The following PRDM11 variants were observed in gnomAD, a reference collection of about 807,000 sequenced individuals.
PRDM11 encodes the protein PR/SET domain 11.
In PRDM11, 20 loss-of-function variants were observed where a neutral mutation model predicts 97.8. That is an observed-to-expected ratio of 0.20 (90% CI 0.14 to 0.30). The LOEUF (loss-of-function observed/expected upper bound fraction) is 0.30, where lower values mean the gene tolerates loss of function less well. Ranked by LOEUF, PRDM11 falls within the 10% of genes least tolerant of loss-of-function variation. The pLI is 1.00. For missense variants in PRDM11, 1,139 were observed against 1,555.2 expected (o/e 0.73, Z 4.50); for synonymous variants, 599 against 637.7 (o/e 0.94, Z 0.91).
upstream of PRDM11, among the ~76,000 whole-genome samples, chr11:45,144,928 T>C (rs1056040849): frequency 6.6e-5 from 10 of 152,186 alleles, no homozygotes; most frequent in Admixed American, 2.0e-4. Context: ...CCTTCATCTC[T>C]TGGGCAGACC....
At chr11:45,138,880 C>T (rs1316077626) in intron 1 of PRDM11, among the ~76,000 whole-genome samples, 1 of 152,046 alleles carries the variant, frequency 6.6e-6, no homozygotes, top group African/African-American at 2.4e-5. Flanking sequence ...AAAGACATCA[C>T]AAATAAAGTT....
intron 1 of PRDM11, among the ~76,000 whole-genome samples, chr11:45,169,596 AGACCTTGGCAAT>A (rs1852152708): frequency 6.6e-6 from 1 of 152,230 alleles, no homozygotes; most frequent in Non-Finnish European, 1.5e-5. Flanking sequence ...TTTTGCAATC[AGACCTTGGCAAT>A]GACCTTGAGC....
chr11:45,206,348 C>T, intron 5 of PRDM11, among the ~76,000 whole-genome samples: 1 of 152,166 alleles, frequency 6.6e-6, no homozygotes, highest in Non-Finnish European at 1.5e-5. Context: ...TTCAAAGGGG[C>T]CAGGATTGTG....
intron 5 of PRDM11, among the ~76,000 whole-genome samples, chr11:45,216,803 G>A (rs1012972340): frequency 9.2e-5 from 14 of 152,272 alleles, no homozygotes; most frequent in African/African-American, 3.1e-4. Context: ...ACCAGAAGAT[G>A]GAAAGTTAAA....
At position 45,229,500 on chromosome 11, in the gene PRDM11, AG is replaced by A. The variant is rs1854356546; in HGVS notation, c.*1342del. On this transcript the variant is annotated 3_prime_UTR_variant, in exon 8 of 8. Coordinates refer to ENST00000683152, the MANE Select transcript of PRDM11 (RefSeq NM_001384648.1). ...CACACACAGACACACACACACACAC[AG>A]ACACACACACACACACACAATCACA... 4 of 150,954 alleles carry A rather than the reference AG, an allele frequency of 2.6e-5. No homozygotes were observed. The highest frequency in any genetic ancestry group is 4.9e-5 in the African/African-American group (2 of 41,072). The allele number at this position is 150,954 out of a possible 1,614,324, so 9.4% of individuals were successfully genotyped here.
At chr11:45,160,721 G>A (rs1352608911) in intron 1 of PRDM11, among the ~76,000 whole-genome samples, 1 of 152,190 alleles carries the variant, frequency 6.6e-6, no homozygotes, top group Admixed American at 6.5e-5. Flanking sequence ...AGCTACTGCT[G>A]GGTCTGGGGA....
intron 5 of PRDM11, among the ~76,000 whole-genome samples, chr11:45,209,723 C>T (rs1000278298): frequency 6.6e-6 from 1 of 152,164 alleles, no homozygotes; most frequent in African/African-American, 2.4e-5. Flanking sequence ...GGGTTTCAGG[C>T]TCTGCTGTCG....
chr11:45,230,132 T>C lies in PRDM11; in HGVS notation c.*1973T>C, dbSNP rs903208754. 6.7e-6 allele frequency: 1 copy of C among 149,102 alleles called. No homozygotes were observed. The highest frequency in any genetic ancestry group is 2.4e-5 in the African/African-American group (1 of 40,944). 9.2% of individuals were successfully genotyped at this position (149,102 alleles called of 1,614,324 possible). On this transcript the variant is annotated 3_prime_UTR_variant, in exon 8 of 8. Transcript: ENST00000683152. The stretch of plus-strand genomic sequence containing the variant: ...CTTTTCATTATATAAATATATTATA[T>C]ATATTATATATTATTTTTGAAATAT...
chr11:45,174,878 A>G (rs2135723680), intron 1 of PRDM11, among the ~76,000 whole-genome samples: 1 of 152,322 alleles, frequency 6.6e-6, no homozygotes, highest in African/African-American at 2.4e-5. Context: ...TTATGTATAG[A>G]CTTTAAGTGG....
intron 5 of PRDM11, chr11:45,213,350 C>T (rs1369109170): frequency 2.9e-5 from 13 of 453,702 alleles, no homozygotes; most frequent in East Asian, 2.1e-4. Flanking sequence ...GGGAGGGGGG[C>T]GCAACAGTGG....
Position 45,219,859 on chromosome 11 carries a change from G to T in PRDM11, c.742+102G>T. ...CCTGAGAAATACGGTTCCCAGCAAT[G>T]GGAAGACCCAGAGTGATTCGGGGGA... On this transcript the variant is annotated intron_variant, in intron 6 of 7. Coordinates refer to ENST00000683152, the MANE Select transcript of PRDM11 (RefSeq NM_001384648.1). The surrounding 1 kb of genome is among the most constrained non-coding windows in gnomAD (Gnocchi z 4.2). 7.4e-7 allele frequency: 1 copy of T among 1,350,044 alleles called. No individual in the cohort carries two copies. Among genetic ancestry groups the T allele is most frequent in the Non-Finnish European group, 9.9e-7 (1 of 1,005,714 alleles). 83.6% of individuals were successfully genotyped at this position (1,350,044 alleles called of 1,614,324 possible).
At chr11:45,146,309 C>G (rs138469892), upstream of PRDM11, among the ~76,000 whole-genome samples, 41 of 152,348 alleles carry the variant, frequency 2.7e-4, 1 homozygote, top group East Asian at 7.5e-3. Flanking sequence ...ACCGGGAGAG[C>G]CAGGGAGCCC....
intron 1 of PRDM11, among the ~76,000 whole-genome samples, chr11:45,137,991 G>A (rs1218375380): frequency 1.3e-5 from 2 of 151,924 alleles, no homozygotes; most frequent in Non-Finnish European, 2.9e-5. Context: ...GTCATTCTTT[G>A]TTAAAGAAAG....
intron 1 of PRDM11, among the ~76,000 whole-genome samples, chr11:45,156,358 C>T (rs1851793033): frequency 1.3e-5 from 2 of 152,184 alleles, no homozygotes; most frequent in Non-Finnish European, 1.5e-5. Flanking sequence ...GTTCATGGAG[C>T]GGCCCCTTGT....
upstream of PRDM11, among the ~76,000 whole-genome samples, chr11:45,146,498 C>G (rs548312756): frequency 1.7e-4 from 26 of 152,128 alleles, no homozygotes; most frequent in East Asian, 3.9e-4. Flanking sequence ...CGGGTTCCCC[C>G]CTCCGGGCAG....
At chr11:45,136,989 C>CAAA (rs759854361) in intron 1 of PRDM11, among the ~76,000 whole-genome samples, 1,693 of 110,016 alleles carry the variant, frequency 0.015, 19 homozygotes, top group African/African-American at 0.028. Flanking sequence ...ACTAAAAATA[C>CAAA]AAAAAAAAAA....
intron 1 of PRDM11, among the ~76,000 whole-genome samples, chr11:45,104,336 C>A (rs891763032): frequency 6.6e-6 from 1 of 152,196 alleles, no homozygotes; most frequent in Non-Finnish European, 1.5e-5. Flanking sequence ...GCTGGACAGG[C>A]AGATCTGGGT....
At chr11:45,162,906 C>T (rs1292750663) in intron 1 of PRDM11, among the ~76,000 whole-genome samples, 1 of 152,246 alleles carries the variant, frequency 6.6e-6, no homozygotes, top group African/African-American at 2.4e-5. Flanking sequence ...CAACTCCAGG[C>T]TCTCTGCATG....
chr11:45,154,187 T>C (rs1851731563), intron 1 of PRDM11, among the ~76,000 whole-genome samples: 1 of 151,952 alleles, frequency 6.6e-6, no homozygotes, highest in Non-Finnish European at 1.5e-5. Flanking sequence ...AGACCCTGTA[T>C]TTACAAAAAA....
Sources: allele counts gnomAD v4.1 joint callset (sites outside exome capture counted in the v4.1 genomes callset), GRCh38; gene constraint gnomAD v4.1.1; non-coding constraint Gnocchi (gnomAD v3.1); transcripts MANE v1.5; gene names NCBI Gene and HGNC (gene_info 2026-07-23, HGNC 2026-07-21).